Variants in TINAG observed in about 807,000 individuals in gnomAD.
TINAG encodes the protein tubulointerstitial nephritis antigen.
A neutral mutation model predicts 72.7 loss-of-function variants in TINAG; 83 were observed. That is an observed-to-expected ratio of 1.14 (90% CI 0.96 to 1.37). The LOEUF (loss-of-function observed/expected upper bound fraction) is 1.37. Among genes scored for constraint, TINAG ranks in the 40% most tolerant of loss-of-function variants. TINAG has a pLI of 0.00. For missense variants in TINAG, 685 were observed against 576.6 expected (o/e 1.19, Z -1.93); for synonymous variants, 234 against 189.9 (o/e 1.23, Z -1.91).
intron 9 of TINAG, among the ~76,000 whole-genome samples, chr6:54,360,841 GTTTTTTT>G (rs70983415): frequency 1.0e-2 from 261 of 26,196 alleles, no homozygotes; most frequent in Non-Finnish European, 0.017. Flanking sequence ...CAGATACTGT[GTTTTTTT>G]TTTTTTTTTT....
At chr6:54,334,215 C>T (rs1367113143) in intron 4 of TINAG, among the ~76,000 whole-genome samples, 1 of 152,182 alleles carries the variant, frequency 6.6e-6, no homozygotes, top group Non-Finnish European at 1.5e-5. Flanking sequence ...ATGCCCGGGG[C>T]AGAGTGGTGC....
At chr6:54,322,400 G>A (rs1053714311) in intron 3 of TINAG, among the ~76,000 whole-genome samples, 4 of 151,866 alleles carry the variant, frequency 2.6e-5, no homozygotes, top group African/African-American at 9.7e-5. Flanking sequence ...GAACTAAAAG[G>A]AAGAGGAACA....
chr6:54,320,417 A>G (rs1784463361), intron 1 of TINAG, among the ~76,000 whole-genome samples, 162 bp from the exon 2 acceptor site: 1 of 152,190 alleles, frequency 6.6e-6, no homozygotes, highest in African/African-American at 2.4e-5. Flanking sequence ...AATTCGATAT[A>G]CACACCTTGA....
chr6:54,380,546 C>A lies in TINAG; in HGVS notation c.1271C>A (p.Ala424Glu), dbSNP rs1294851061. 1 of 1,610,392 alleles carries A rather than the reference C, an allele frequency of 6.2e-7. No individual in the cohort carries two copies. The highest frequency in any genetic ancestry group is 1.1e-5 in the South Asian group (1 of 90,800). Residue 424 changes from alanine to glutamate, a missense_variant, in exon 10 of 11, where the codon GCA (alanine) becomes GAA (glutamate). Physicochemically the swap from Ala to Glu is moderately radical, Grantham distance 107. Coordinates refer to ENST00000259782, the MANE Select transcript of TINAG (RefSeq NM_014464.4). ...TGTAGATGGGGCACACTGAGAGGAGCACAAGGGCAGAAAGAAAAATTTTGG... is the reference window on the plus strand; with the variant it reads ...TGTAGATGGGGCACACTGAGAGGAGAACAAGGGCAGAAAGAAAAATTTTGG... ...KLTGWGTLRGAQGQKEKFWIA... is the reference protein window; with the variant it reads ...KLTGWGTLRGEQGQKEKFWIA...
chr6:54,378,777 G>A (rs1322882144), intron 9 of TINAG, among the ~76,000 whole-genome samples: 2 of 152,050 alleles, frequency 1.3e-5, no homozygotes, highest in East Asian at 3.9e-4. Flanking sequence ...CCAAGCTCAA[G>A]AAGTCTGAAA....
At chr6:54,324,691 A>T (rs2150939235) in intron 3 of TINAG, among the ~76,000 whole-genome samples, 1 of 152,292 alleles carries the variant, frequency 6.6e-6, no homozygotes, top group South Asian at 2.1e-4. Context: ...CAACTTGAAA[A>T]TTTGATGTTA....
At chr6:54,363,650 G>A (rs1257118679) in intron 9 of TINAG, among the ~76,000 whole-genome samples, 1 of 149,768 alleles carries the variant, frequency 6.7e-6, no homozygotes, top group Non-Finnish European at 1.5e-5. Context: ...CAGATTTACT[G>A]ATCTCACAGG....
chr6:54,324,672 C>G lies in TINAG; in HGVS notation c.510-2130C>G, dbSNP rs57216370. On this transcript the variant is annotated intron_variant, in intron 3 of 10. Transcript: ENST00000259782. ...TATTCTTAGTCACTGGCATCTTGCT[C>G]TATCTGCTCAACTTGAAAATTTGAT... is the stretch of plus-strand genomic sequence containing the variant. 0.024 allele frequency among the ~76,000 whole-genome samples: 3,706 copies of G among 152,300 alleles called. 272 individuals are homozygous for G. The East Asian group carries it at 0.3, about 12-fold the overall frequency.
chr6:54,328,222 TGGCTGGCATCC>T (rs1784654291), intron 4 of TINAG, among the ~76,000 whole-genome samples: 1 of 152,078 alleles, frequency 6.6e-6, no homozygotes, highest in Non-Finnish European at 1.5e-5. Flanking sequence ...AGGAGAGCTG[TGGCTGGCATCC>T]GGTGGGTGCT....
chr6:54,362,728 C>A (rs1020315781), intron 9 of TINAG, among the ~76,000 whole-genome samples: 2 of 151,444 alleles, frequency 1.3e-5, no homozygotes. Context: ...TTGAAAACTT[C>A]TGGAAAGTGT....
intron 9 of TINAG, among the ~76,000 whole-genome samples, chr6:54,369,181 G>T (rs1285745641): frequency 1.3e-5 from 2 of 151,834 alleles, no homozygotes; most frequent in African/African-American, 4.8e-5. Flanking sequence ...AGTCACTTAT[G>T]CTTGCTCCTC....
At chr6:54,342,827 T>C (rs1785030627) in intron 4 of TINAG, among the ~76,000 whole-genome samples, 1 of 152,188 alleles carries the variant, frequency 6.6e-6, no homozygotes, top group South Asian at 2.1e-4. Context: ...TAATTTCATC[T>C]CAGAATCACA....
intron 9 of TINAG, among the ~76,000 whole-genome samples, chr6:54,361,953 A>G (rs1423027884): frequency 6.6e-6 from 1 of 151,664 alleles, no homozygotes; most frequent in Non-Finnish European, 1.5e-5. Flanking sequence ...CTTTAATTCC[A>G]TGAAGACTGA....
chr6:54,341,790 C>T (rs1471407093), intron 4 of TINAG, among the ~76,000 whole-genome samples: 1 of 151,920 alleles, frequency 6.6e-6, no homozygotes, highest in African/African-American at 2.4e-5. Context: ...GGCAAATTAG[C>T]CATATATTTC....
At chr6:54,365,211 CTT>C (rs933119005) in intron 9 of TINAG, 3 of 151,560 alleles carry the variant, frequency 2.0e-5, no homozygotes, top group African/African-American at 7.2e-5. Context: ...TTAGTATAGA[CTT>C]TGCAATAACA....
intron 10 of TINAG, 79 bp from the exon 11 acceptor site, chr6:54,389,712 C>T (rs1764193135): frequency 6.7e-7 from 1 of 1,495,726 alleles, no homozygotes; most frequent in Non-Finnish European, 8.9e-7. Context: ...TTTAAAGTTA[C>T]AAATGAGTTC....
chr6:54,358,511 A>G (rs553042285), intron 9 of TINAG, among the ~76,000 whole-genome samples: 1 of 146,600 alleles, frequency 6.8e-6, no homozygotes, highest in South Asian at 2.2e-4. Context: ...TGTTACTTAT[A>G]TTTACATGGA....
Position 54,347,514 on chromosome 6 carries a change from G to C in TINAG, c.896G>C (p.Arg299Pro). Residue 299 changes from arginine (R) to proline (P), a missense_variant, in exon 6 of 11, where the codon CGT (arginine) becomes CCT (proline). Physicochemically the swap from Arg to Pro is moderately radical, Grantham distance 103. Coordinates refer to ENST00000259782, the MANE Select transcript of TINAG (RefSeq NM_014464.4). ...AGGGCTTGGTGGTACCTGAGAAAAC[G>C]TGGGTAAATAGCTGCTCAACATGTG... The part of the protein sequence containing the change: ...IDRAWWYLRK[R>P]GLVSHACYPL... 1.2e-6 allele frequency: 2 copies of C among 1,612,328 alleles called. No homozygotes were observed. Among genetic ancestry groups the C allele is most frequent in the Non-Finnish European group, 1.7e-6 (2 of 1,179,020 alleles).
chr6:54,322,673 A>G (rs1784520255), intron 3 of TINAG, among the ~76,000 whole-genome samples: 1 of 152,340 alleles, frequency 6.6e-6, no homozygotes, highest in Non-Finnish European at 1.5e-5. Flanking sequence ...CATACAAAAC[A>G]TAGAAAGTCA....
Sources: gnomAD v4.1 joint callset for allele counts (sites outside exome capture counted in the v4.1 genomes callset) on GRCh38, gnomAD v4.1.1 for gene constraint, MANE v1.5 for transcripts, NCBI Gene and HGNC (gene_info 2026-07-23, HGNC 2026-07-21) for gene names.